Variants in HPSE2 observed in about 807,000 individuals in gnomAD.
The protein encoded by HPSE2 is inactive heparanase-2.
In HPSE2, 38 loss-of-function variants were observed where a neutral mutation model predicts 60.5. The ratio of observed to expected loss-of-function variants is 0.63; its 90% CI spans 0.48 to 0.82. The LOEUF is 0.82. Among genes scored for constraint, HPSE2 ranks in the 40% least tolerant of loss-of-function variants. HPSE2 has a pLI of 0.00. For missense variants in HPSE2, 713 were observed against 740.4 expected, an observed-to-expected ratio of 0.96 and a Z score of 0.43; for synonymous variants, 295 against 293.2, an observed-to-expected ratio of 1.01 and a Z score of -0.06.
At chr10:98,670,622 C>T (rs936695563) in intron 6 of HPSE2, among the ~76,000 whole-genome samples, 23 of 152,202 alleles carry the variant, frequency 1.5e-4, no homozygotes, top group Non-Finnish European at 2.5e-4. Context: ...GGCAGCCCGG[C>T]GCCAGGCCCA....
At chr10:98,698,126 T>C (rs1565089272) in intron 5 of HPSE2, among the ~76,000 whole-genome samples, 2 of 139,988 alleles carry the variant, frequency 1.4e-5, no homozygotes, top group African/African-American at 2.6e-5. Flanking sequence ...AACTCAGCTC[T>C]GCACCAAGCA....
At chr10:99,054,144 A>T (rs1180776067) in intron 3 of HPSE2, among the ~76,000 whole-genome samples, 1 of 152,124 alleles carries the variant, frequency 6.6e-6, no homozygotes, top group African/African-American at 2.4e-5. Flanking sequence ...GACATCAGAG[A>T]AAAGGTGGCT....
chr10:99,197,275 A>C (rs1848433337), intron 2 of HPSE2, among the ~76,000 whole-genome samples: 1 of 152,178 alleles, frequency 6.6e-6, no homozygotes, highest in Non-Finnish European at 1.5e-5. Flanking sequence ...GGTACAAAAA[A>C]ATAGAAAGAA....
Position 99,215,857 on chromosome 10 carries a change from T to A in HPSE2, c.448+16491A>T, listed in dbSNP as rs543754825. ...TGCACAGCTCTAACTATAATAGAAG[T>A]CACTGAATGGTAAATTTTAAATGGT... On this transcript the variant is annotated intron_variant, in intron 2 of 11. Coordinates refer to ENST00000370552, the MANE Select transcript of HPSE2 (RefSeq NM_021828.5). Among the ~76,000 whole-genome samples the A allele has an allele frequency of 6.6e-5, 10 of 152,306 alleles. No individual in the cohort carries two copies. In the East Asian group the frequency reaches 1.9e-3, roughly 29 times the overall value.
chr10:98,633,541 T>C (rs1946420157), intron 7 of HPSE2, among the ~76,000 whole-genome samples: 1 of 152,216 alleles, frequency 6.6e-6, no homozygotes, highest in South Asian at 2.1e-4. Context: ...ATTTTCTTTC[T>C]TCTAGCTTAC....
chr10:99,130,733 G>C (rs574024344), intron 3 of HPSE2, among the ~76,000 whole-genome samples: 3 of 152,166 alleles, frequency 2.0e-5, no homozygotes, highest in Non-Finnish European at 4.4e-5. Flanking sequence ...CAGGTGCAGG[G>C]GCCTTAAGAC....
At chr10:98,719,285 C>T (rs1948862705) in intron 5 of HPSE2, among the ~76,000 whole-genome samples, 1 of 152,068 alleles carries the variant, frequency 6.6e-6, no homozygotes, top group Non-Finnish European at 1.5e-5. Context: ...AAATGGGGTC[C>T]TGACCCTACT....
rs575740029 is a variant in HPSE2 at position 98,826,200 on chromosome 10, T to C, written c.611-82144A>G. Among the ~76,000 whole-genome samples, 11 of 152,334 alleles carry C rather than the reference T, an allele frequency of 7.2e-5. 1 individual carries two copies. In the East Asian group the frequency reaches 1.3e-3, roughly 19 times the overall value. The stretch of plus-strand genomic sequence containing the variant: ...ACTGTATTCCAAGTATTTAGAATGG[T>C]GCCAAGTACATAGCAGATGCTCAAT... On this transcript the variant is annotated intron_variant, in intron 3 of 11. Transcript: ENST00000370552.
chr10:98,500,122 AGAAAG>A (rs1303509533), intron 9 of HPSE2, among the ~76,000 whole-genome samples: 2 of 152,214 alleles, frequency 1.3e-5, no homozygotes, highest in Non-Finnish European at 2.9e-5. Context: ...ATCAAAAGAC[AGAAAG>A]TCAACAAAGA....
chr10:99,017,148 G>A (rs567296387), intron 3 of HPSE2, among the ~76,000 whole-genome samples: 7 of 152,296 alleles, frequency 4.6e-5, no homozygotes, highest in African/African-American at 1.4e-4. Context: ...CATTCAGTAT[G>A]ATGATGGCTA....
At chr10:98,602,685 G>C (rs1042701423) in intron 9 of HPSE2, among the ~76,000 whole-genome samples, 1 of 152,060 alleles carries the variant, frequency 6.6e-6, no homozygotes, top group Non-Finnish European at 1.5e-5. Context: ...TTCAATAAAA[G>C]TGCCAAGATG....
At chr10:98,557,840 T>C (rs943978219) in intron 9 of HPSE2, among the ~76,000 whole-genome samples, 1 of 152,064 alleles carries the variant, frequency 6.6e-6, no homozygotes, top group African/African-American at 2.4e-5. Context: ...TCCTAGCTAT[T>C]TGGGAGGCTG....
chr10:98,651,315 G>A lies in HPSE2; in HGVS notation c.1005-9375C>T, dbSNP rs928208273. On this transcript the variant is annotated intron_variant, in intron 6 of 11. Coordinates refer to ENST00000370552, the MANE Select transcript of HPSE2 (RefSeq NM_021828.5). ...AAACAGAAAGAGATTGAGAGGGAGA[G>A]ACAGTCAGTTCTATATGATGCAAAT... Among the ~76,000 whole-genome samples the A allele has an allele frequency of 2.6e-5, 4 of 152,268 alleles. No individual in the cohort carries two copies. The South Asian group carries it at 8.3e-4, about 32-fold the overall frequency.
chr10:98,904,788 T>C (rs1029889572), intron 3 of HPSE2, among the ~76,000 whole-genome samples: 2 of 152,116 alleles, frequency 1.3e-5, no homozygotes, highest in Non-Finnish European at 2.9e-5. Context: ...CACAGATCCA[T>C]ATAAAGTCAA....
intron 3 of HPSE2, among the ~76,000 whole-genome samples, chr10:98,879,889 T>A (rs1952977152): frequency 1.0e-5 from 1 of 95,820 alleles, no homozygotes; most frequent in Non-Finnish European, 2.4e-5. Flanking sequence ...GTGTGTGTGA[T>A]GTGTTTCTGC....
At chr10:98,595,878 G>A (rs997320514) in intron 9 of HPSE2, among the ~76,000 whole-genome samples, 1 of 152,120 alleles carries the variant, frequency 6.6e-6, no homozygotes, top group Non-Finnish European at 1.5e-5. Flanking sequence ...TACATTCTTT[G>A]TATACCTAAT....
chr10:98,554,077 T>C (rs2133858725), intron 9 of HPSE2, among the ~76,000 whole-genome samples: 1 of 152,274 alleles, frequency 6.6e-6, no homozygotes, highest in South Asian at 2.1e-4. Flanking sequence ...AATGTCTCAG[T>C]CCCATCATCT....
chr10:98,920,437 C>T (rs926705505), intron 3 of HPSE2, among the ~76,000 whole-genome samples: 2 of 152,144 alleles, frequency 1.3e-5, no homozygotes, highest in Admixed American at 6.5e-5. Context: ...GGTGTCTGCT[C>T]CTCAAAGGAC....
At chr10:99,156,958 C>T (rs1481628590) in intron 2 of HPSE2, among the ~76,000 whole-genome samples, 1 of 135,952 alleles carries the variant, frequency 7.4e-6, no homozygotes, top group East Asian at 2.2e-4. Context: ...ACACCAATAA[C>T]AGACAAACAG....
Sources: gnomAD v4.1 joint callset for allele counts (sites outside exome capture counted in the v4.1 genomes callset) on GRCh38, gnomAD v4.1.1 for gene constraint, MANE v1.5 for transcripts, NCBI Gene and HGNC (gene_info 2026-07-23, HGNC 2026-07-21) for gene names.